INO80: variants seen among roughly 807,000 people sequenced by gnomAD.
INO80 encodes INO80 complex ATPase subunit, also known as chromatin-remodeling ATPase INO80.
Under a neutral mutation model 203.4 loss-of-function variants are expected in INO80, and 20 were observed. The ratio of observed to expected loss-of-function variants is 0.10; its 90% confidence interval spans 0.07 to 0.14. The LOEUF (loss-of-function observed/expected upper bound fraction) is 0.14, where lower values mean the gene tolerates loss of function less well. INO80 is among the 10% of genes least tolerant of loss of function. The pLI is 1.00. For synonymous variants in INO80, 726 were observed against 685.2 expected, an observed-to-expected ratio of 1.06 and a Z score of -0.93; for missense variants, 1,419 against 1,914.4, an observed-to-expected ratio of 0.74 and a Z score of 4.83.
chr15:40,993,681 C>T (rs1319928885), intron 29 of INO80, among the ~76,000 whole-genome samples: 1 of 152,104 alleles, frequency 6.6e-6, no homozygotes, highest in Non-Finnish European at 1.5e-5. Flanking sequence ...ATCACTTGAA[C>T]CTGAGAGGTG....
chr15:41,033,529 G>A (rs2044524140), intron 24 of INO80, among the ~76,000 whole-genome samples: 1 of 151,968 alleles, frequency 6.6e-6, no homozygotes, highest in Non-Finnish European at 1.5e-5. Context: ...TTTATCCACT[G>A]CAAAACAGTG....
At chr15:41,055,957 T>G (rs1049470984) in intron 17 of INO80, among the ~76,000 whole-genome samples, 2 of 150,462 alleles carry the variant, frequency 1.3e-5, no homozygotes, top group African/African-American at 4.9e-5. Flanking sequence ...TTTTTTTTTT[T>G]TTTTTGAGAT....
Position 40,978,990 on chromosome 15 carries a change from ACATT to A in INO80, c.*1229_*1232del, listed in dbSNP as rs1469884462. On this transcript the variant is annotated 3_prime_UTR_variant, in exon 36 of 36. Transcript: ENST00000648947. Reference sequence around the variant, plus strand: ...GTACAAGTTCAGTTATAAAAATAGCACATTCAAAGAGAAAAGGCTTGGCATTTTT... The same window carrying A: ...GTACAAGTTCAGTTATAAAAATAGCACAAAGAGAAAAGGCTTGGCATTTTT... 3 of 152,656 alleles carry A rather than the reference ACATT, an allele frequency of 2.0e-5. No individual in the cohort carries two copies. Among genetic ancestry groups the A allele is most frequent in the East Asian group, 1.9e-4 (1 of 5,202 alleles). 9.5% of individuals were successfully genotyped at this position (152,656 alleles called of 1,614,324 possible).
intron 1 of INO80, among the ~76,000 whole-genome samples, chr15:41,106,316 A>G (rs1363965811): frequency 1.3e-5 from 2 of 149,664 alleles, no homozygotes; most frequent in East Asian, 3.9e-4. Flanking sequence ...CCCAAGAGAC[A>G]GAGGTTGCTG....
In INO80 at chr15:41,016,321, G is replaced by C. The variant is rs1387237883; in HGVS notation, c.3275-106C>G. ...CACAATCACTAAAACCAAGATGCTT[G>C]TCATCATGAGATCAGAAAAGTGCTC... On this transcript the variant is annotated intron_variant, in intron 26 of 35. Coordinates refer to ENST00000648947, the MANE Select transcript of INO80 (RefSeq NM_017553.3). 2.8e-6 allele frequency: 3 copies of C among 1,087,984 alleles called. No homozygotes were observed. The African/African-American group carries it at 4.7e-5, about 17-fold the overall frequency. The allele number at this position is 1,087,984 out of a possible 1,614,324, so 67.4% of individuals were successfully genotyped here. A position where few individuals can be genotyped will look rare whatever the true frequency, so the allele number is the denominator to read the frequency against.
chr15:41,055,391 G>C, intron 17 of INO80, 27 bp from the exon 18 acceptor site: 1 of 1,444,038 alleles, frequency 6.9e-7, no homozygotes, highest in East Asian at 2.3e-5. Flanking sequence ...AAATGAAATA[G>C]CTATAGAGCA....
chr15:41,091,072 G>T (rs571262315), intron 5 of INO80, among the ~76,000 whole-genome samples: 5 of 151,900 alleles, frequency 3.3e-5, no homozygotes, highest in African/African-American at 1.2e-4. Flanking sequence ...TTACAGGCAT[G>T]CACCACCACG....
At chr15:41,022,933 T>G (rs1012128785) in intron 25 of INO80, among the ~76,000 whole-genome samples, 1 of 151,738 alleles carries the variant, frequency 6.6e-6, no homozygotes, top group Non-Finnish European at 1.5e-5. Context: ...AAACCCCATC[T>G]CTACAAAAAA....
rs71104771 is a variant in INO80 at position 41,099,237 on chromosome 15, C to CAAAAAAAAAA, written c.-43-2894_-43-2885dup. Reference sequence around the variant, plus strand: ...TCCAGCCTGGAGTAAGACCCTGTCTCAAAAAAAAAAAAAAAAAAAAAAAAA... The same window carrying CAAAAAAAAAA: ...TCCAGCCTGGAGTAAGACCCTGTCTCAAAAAAAAAAAAAAAAAAAAAAAAAAAAAAAAAAA... On this transcript the variant is annotated intron_variant, in intron 1 of 35. Transcript: ENST00000648947. Among the ~76,000 whole-genome samples the CAAAAAAAAAA allele has an allele frequency of 1.0e-3, 21 of 21,096 alleles. 3 individuals carry two copies. Among genetic ancestry groups the CAAAAAAAAAA allele is most frequent in the Non-Finnish European group, 1.8e-3 (18 of 10,158 alleles). 13.8% of individuals were successfully genotyped at this position (21,096 alleles called of 152,430 possible).
intron 4 of INO80, among the ~76,000 whole-genome samples, chr15:41,093,096 T>A (rs777379584): frequency 6.6e-6 from 1 of 151,826 alleles, no homozygotes; most frequent in Admixed American, 6.6e-5. Context: ...AAAAAGCAGA[T>A]TAGTCGCTGC....
chr15:41,030,774 A>C (rs748008058), intron 24 of INO80, among the ~76,000 whole-genome samples: 1 of 152,108 alleles, frequency 6.6e-6, no homozygotes, highest in Non-Finnish European at 1.5e-5. Context: ...TCCAGGGTTC[A>C]AGCAATTCTC....
rs937075774 is a variant in INO80, at chr15:40,983,649, C to G, written c.4237+113G>C. The G allele has an allele frequency of 3.4e-6, 3 of 887,004 alleles. No individual in the cohort carries two copies. In the African/African-American group the frequency reaches 5.0e-5, roughly 15 times the overall value. The allele number at this position is 887,004 out of a possible 1,614,324, so 54.9% of individuals were successfully genotyped here. A position where few individuals can be genotyped will look rare whatever the true frequency, so the allele number is the denominator to read the frequency against. On this transcript the variant is annotated intron_variant, in intron 34 of 35. Transcript: ENST00000648947. ...CGTTTTCTCATTTCACTTGACAAAG[C>G]TATTGAAAGAATAAAAATACCATTA...
At chr15:41,028,649 G>A (rs902573307) in intron 24 of INO80, among the ~76,000 whole-genome samples, 14 of 152,148 alleles carry the variant, frequency 9.2e-5, no homozygotes, top group African/African-American at 2.9e-4. Flanking sequence ...CTGAGGTCAG[G>A]GGTTTGAGAC....
At chr15:41,049,197 C>T (rs2140528651) in intron 21 of INO80, 90 bp downstream of exon 21, 1 of 1,076,426 alleles carries the variant, frequency 9.3e-7, no homozygotes, top group South Asian at 1.7e-5. Flanking sequence ...TTGCTGGGAA[C>T]TCATATTCTC....
At chr15:40,982,305 C>T (rs1893860691) in intron 35 of INO80, among the ~76,000 whole-genome samples, 1 of 152,140 alleles carries the variant, frequency 6.6e-6, no homozygotes, top group African/African-American at 2.4e-5. Context: ...AGCCACCACG[C>T]CCATCTAATT....
rs572132291 is a variant in INO80 at position 41,088,719 on chromosome 15, T to C, written c.538-1037A>G. Reference sequence around the variant, plus strand: ...ACTATTAAATCTCTTTCCTGGATTATAGCCAAATAAATTGTCTGAGGACTG... The same window carrying C: ...ACTATTAAATCTCTTTCCTGGATTACAGCCAAATAAATTGTCTGAGGACTG... On this transcript the variant is annotated intron_variant, in intron 5 of 35. Coordinates refer to ENST00000648947, the MANE Select transcript of INO80 (RefSeq NM_017553.3). 1.1e-4 allele frequency among the ~76,000 whole-genome samples: 16 copies of C among 152,358 alleles called. 1 individual carries two copies. Among genetic ancestry groups the C allele is most frequent in the African/African-American group, 1.2e-4 (5 of 41,586 alleles).
At chr15:40,999,020 A>ACACACACACACACACAC in intron 28 of INO80, among the ~76,000 whole-genome samples, 1 of 151,504 alleles carries the variant, frequency 6.6e-6, no homozygotes, top group East Asian at 1.9e-4. Flanking sequence ...ACACACACAC[A>ACACACACACACACACAC]AATAAGGGCT....
intron 14 of INO80, 28 bp downstream of exon 14, chr15:41,069,542 T>C (rs748018408): frequency 1.3e-5 from 16 of 1,258,802 alleles, no homozygotes; most frequent in Admixed American, 7.8e-5. Flanking sequence ...TAAAGAGCAA[T>C]AGATGTTTTG....
At position 40,979,071 on chromosome 15, in the gene INO80, G is replaced by A. The variant is rs1452916494; in HGVS notation, c.*1152C>T. 1 of 152,666 alleles carries A rather than the reference G, an allele frequency of 6.6e-6. No individual in the cohort carries two copies. Among genetic ancestry groups the A allele is most frequent in the East Asian group, 1.9e-4 (1 of 5,172 alleles). The allele number at this position is 152,666 out of a possible 1,614,324, so 9.5% of individuals were successfully genotyped here. The stretch of plus-strand genomic sequence containing the variant: ...CACAGGAATCTGGGTTTGAGCAGGG[G>A]AATCTTAATGATTTAAATTAAATGA... On this transcript the variant is annotated 3_prime_UTR_variant, in exon 36 of 36. Coordinates refer to ENST00000648947, the MANE Select transcript of INO80 (RefSeq NM_017553.3).
Sources: allele counts gnomAD v4.1 joint callset (sites outside exome capture counted in the v4.1 genomes callset), GRCh38; gene constraint gnomAD v4.1.1; transcripts MANE v1.5; gene names NCBI Gene and HGNC (gene_info 2026-07-23, HGNC 2026-07-21).